ELMO1: variants seen among roughly 807,000 people sequenced by gnomAD.
ELMO1 encodes the protein engulfment and cell motility 1, also known as engulfment and cell motility protein 1.
ELMO1 carries 26 observed loss-of-function variants against 98.9 expected under a neutral mutation model. The ratio of observed to expected loss-of-function variants is 0.26; its 90% CI spans 0.19 to 0.36. The LOEUF (loss-of-function observed/expected upper bound fraction) is 0.36. ELMO1 is among the 10% of genes least tolerant of loss of function. ELMO1 has a pLI of 1.00. For synonymous variants in ELMO1, 346 were observed against 346.0 expected, an observed-to-expected ratio of 1.00 and a Z score of 0.00; for missense variants, 627 against 935.2, an observed-to-expected ratio of 0.67 and a Z score of 4.30.
chr7:37,316,556 GCGGGT>G (rs1799170070), intron 2 of ELMO1, among the ~76,000 whole-genome samples: 1 of 152,166 alleles, frequency 6.6e-6, no homozygotes, highest in Admixed American at 6.5e-5. Flanking sequence ...GTGTCAACTG[GCGGGT>G]GACTACAGCT....
In ELMO1 at chr7:37,074,545, G is replaced by A. The variant is rs79001877; in HGVS notation, c.1300+22074C>T. Among the ~76,000 whole-genome samples, 269 of 152,296 alleles carry A rather than the reference G, an allele frequency of 1.8e-3. 4 individuals are homozygous for A. The East Asian group carries it at 0.037, about 21-fold the overall frequency. On this transcript the variant is annotated intron_variant, in intron 15 of 21. Coordinates refer to ENST00000310758, the MANE Select transcript of ELMO1 (RefSeq NM_014800.11). The stretch of plus-strand genomic sequence containing the variant: ...CTGTGGCCTGGGTTCCCAGGAGGGC[G>A]AGGGGATGAAGACAAGAATCCTTTT...
chr7:37,181,311 T>G (rs571769952), intron 13 of ELMO1, among the ~76,000 whole-genome samples: 1 of 152,210 alleles, frequency 6.6e-6, no homozygotes, highest in East Asian at 1.9e-4. Context: ...AAGGTAGTAC[T>G]CCAGGCTAAG....
intron 1 of ELMO1, among the ~76,000 whole-genome samples, chr7:37,419,982 G>A (rs948910402): frequency 3.3e-5 from 5 of 152,158 alleles, no homozygotes; most frequent in Admixed American, 2.6e-4. Flanking sequence ...TGTAATTGCT[G>A]CAATATTCCA....
chr7:37,314,877 A>G lies in ELMO1; in HGVS notation c.165T>C (p.Asp55=), dbSNP rs539004722. 64 of 1,613,752 alleles carry G rather than the reference A, an allele frequency of 4.0e-5. No homozygotes were observed. In the South Asian group the frequency reaches 5.8e-4, roughly 15 times the overall value. The stretch of plus-strand genomic sequence containing the variant: ...TTTCTGTGATATAGAAGTTTGAACT[A>G]TCGGCATGCTGGAGTGCAAAATATT... ...NHEYFALQHA[D]SSNFYITEKN... The change falls in exon 4 of 22, where the codon GAT becomes GAC. Residue 55 remains aspartate, a synonymous_variant. Transcript: ENST00000310758.
At chr7:37,060,187 C>T (rs1443082356) in intron 15 of ELMO1, among the ~76,000 whole-genome samples, 1 of 152,200 alleles carries the variant, frequency 6.6e-6, no homozygotes, top group Non-Finnish European at 1.5e-5. Context: ...AAAGTTTAAT[C>T]ATGTAATTCC....
intron 2 of ELMO1, among the ~76,000 whole-genome samples, chr7:37,340,232 A>G (rs1800643217): frequency 6.6e-6 from 1 of 152,216 alleles, no homozygotes; most frequent in Non-Finnish European, 1.5e-5. Context: ...TTATAAATGT[A>G]CTGTGATTAT....
intron 13 of ELMO1, among the ~76,000 whole-genome samples, chr7:37,181,449 A>G (rs1322651413): frequency 1.3e-5 from 2 of 152,118 alleles, no homozygotes; most frequent in Non-Finnish European, 2.9e-5. Context: ...TCTGTCTTGT[A>G]TTTGCAGATT....
At chr7:37,120,208 G>T (rs907643353) in intron 14 of ELMO1, among the ~76,000 whole-genome samples, 11 of 152,188 alleles carry the variant, frequency 7.2e-5, no homozygotes, top group Non-Finnish European at 1.5e-4. Flanking sequence ...AGCTCCCAGC[G>T]TGAGCAACTC....
chr7:37,383,479 G>T (rs1277676853), intron 1 of ELMO1, among the ~76,000 whole-genome samples: 1 of 152,174 alleles, frequency 6.6e-6, no homozygotes, highest in Admixed American at 6.5e-5. Flanking sequence ...GGTTAAAATT[G>T]TTATCTTCCT....
chr7:37,180,126 A>G (rs900311955), intron 13 of ELMO1, among the ~76,000 whole-genome samples: 13 of 152,166 alleles, frequency 8.5e-5, no homozygotes, highest in Non-Finnish European at 1.9e-4. Flanking sequence ...TGAAGCCATA[A>G]ACCTCCCATT....
At chr7:37,283,675 A>C (rs1159948249) in intron 4 of ELMO1, among the ~76,000 whole-genome samples, 2 of 152,198 alleles carry the variant, frequency 1.3e-5, no homozygotes, top group African/African-American at 4.8e-5. Flanking sequence ...CACCATTATG[A>C]TTCCATGGGG....
At chr7:37,274,039 T>G (rs1350581125) in intron 4 of ELMO1, among the ~76,000 whole-genome samples, 1 of 152,170 alleles carries the variant, frequency 6.6e-6, no homozygotes, top group Non-Finnish European at 1.5e-5. Flanking sequence ...ATGTGTGCAA[T>G]TCAGCCCAGT....
At chr7:37,335,569 A>T (rs777649388) in intron 2 of ELMO1, among the ~76,000 whole-genome samples, 7 of 152,162 alleles carry the variant, frequency 4.6e-5, no homozygotes, top group Non-Finnish European at 7.3e-5. Context: ...ATTTTTTTAA[A>T]CTGATAAACT....
intron 16 of ELMO1, among the ~76,000 whole-genome samples, chr7:36,955,085 C>T (rs907120148): frequency 3.3e-5 from 5 of 152,164 alleles, no homozygotes; most frequent in Admixed American, 2.6e-4. Context: ...TCTCTCATGC[C>T]TCACACGTTG....
intron 15 of ELMO1, among the ~76,000 whole-genome samples, chr7:37,030,167 A>G (rs573428145): frequency 6.6e-6 from 1 of 152,214 alleles, no homozygotes; most frequent in Non-Finnish European, 1.5e-5. Context: ...AAACAACTTA[A>G]TGAAAACCTA....
intron 16 of ELMO1, among the ~76,000 whole-genome samples, chr7:36,976,173 G>T (rs981381366): frequency 2.6e-5 from 4 of 152,128 alleles, no homozygotes; most frequent in Admixed American, 2.6e-4. Flanking sequence ...CAAGTCCAGG[G>T]AGTGGGCCAT....
In ELMO1 at chr7:36,928,747, G is replaced by T. The variant is rs540516426; in HGVS notation, c.1438-33730C>A. ...GCAGTCAGTCATCCCACCCACCAGGGCTGTGGGAGAGGCCTCAGGGAATCA... is the reference window on the plus strand; with the variant it reads ...GCAGTCAGTCATCCCACCCACCAGGTCTGTGGGAGAGGCCTCAGGGAATCA... On this transcript the variant is annotated intron_variant, in intron 16 of 21. Transcript: ENST00000310758. 2.0e-5 allele frequency among the ~76,000 whole-genome samples: 3 copies of T among 152,330 alleles called. No homozygotes were observed. The South Asian group carries it at 6.2e-4, about 32-fold the overall frequency.
intron 15 of ELMO1, among the ~76,000 whole-genome samples, chr7:37,030,194 T>C (rs1794801112): frequency 6.6e-6 from 1 of 152,190 alleles, no homozygotes; most frequent in African/African-American, 2.4e-5. Flanking sequence ...AGACTAAACA[T>C]AAGATGCTTT....
intron 16 of ELMO1, among the ~76,000 whole-genome samples, chr7:36,913,302 C>T (rs757075272): frequency 6.6e-6 from 1 of 152,008 alleles, no homozygotes; most frequent in Non-Finnish European, 1.5e-5. Context: ...ATCTGAAAGG[C>T]TATTGTATTA....
Sources: gnomAD v4.1 joint callset for allele counts (sites outside exome capture counted in the v4.1 genomes callset) on GRCh38, gnomAD v4.1.1 for gene constraint, MANE v1.5 for transcripts, NCBI Gene and HGNC (gene_info 2026-07-23, HGNC 2026-07-21) for gene names.